CLSTN2: variants seen among roughly 807,000 people sequenced by gnomAD.
The protein encoded by CLSTN2 is calsyntenin 2, also known as calsyntenin-2.
Under a neutral mutation model 101.2 loss-of-function variants are expected in CLSTN2, and 48 were observed. The observed-to-expected ratio is 0.47, with a 90% confidence interval of 0.38 to 0.60. The LOEUF (loss-of-function observed/expected upper bound fraction) is 0.60. CLSTN2 is among the 20% of genes least tolerant of loss of function. CLSTN2 has a pLI of 0.00. For missense variants in CLSTN2, 1,160 were observed against 1,238.2 expected (o/e 0.94, Z 0.95); for synonymous variants, 481 against 463.6 (o/e 1.04, Z -0.48).
chr3:140,448,209 C>CTGTGTGTGTGTG (rs55857773), intron 5 of CLSTN2, among the ~76,000 whole-genome samples: 9 of 148,300 alleles, frequency 6.1e-5, no homozygotes, highest in African/African-American at 1.5e-4. Context: ...GAGGGTGTGA[C>CTGTGTGTGTGTG]TGTGTGTGTG....
At chr3:140,535,463 AC>A (rs1468127437) in intron 9 of CLSTN2, among the ~76,000 whole-genome samples, 1 of 152,240 alleles carries the variant, frequency 6.6e-6, no homozygotes, top group Admixed American at 6.5e-5. Flanking sequence ...CAAATGGGAA[AC>A]CCAAGTATAC....
At chr3:140,225,279 G>C (rs557040884) in intron 2 of CLSTN2, among the ~76,000 whole-genome samples, 123 of 152,254 alleles carry the variant, frequency 8.1e-4, no homozygotes, top group Non-Finnish European at 1.5e-3. Flanking sequence ...AGAGACACCA[G>C]CCACCTTTCC....
intron 2 of CLSTN2, among the ~76,000 whole-genome samples, chr3:140,350,677 A>G (rs1422891654): frequency 6.6e-6 from 1 of 152,200 alleles, no homozygotes; most frequent in Non-Finnish European, 1.5e-5. Flanking sequence ...CTAAGTTCAT[A>G]TATATCTTTT....
Position 140,534,666 on chromosome 3 carries a change from A to C in CLSTN2, c.1507+2180A>C, listed in dbSNP as rs557270384. On this transcript the variant is annotated intron_variant, in intron 9 of 16. Transcript: ENST00000458420. ...AAGAAAACATGGCAAATCGTGCACAAACTCTTAAAACTTCCACCTACAAGT... is the reference window on the plus strand; with the variant it reads ...AAGAAAACATGGCAAATCGTGCACACACTCTTAAAACTTCCACCTACAAGT... Among the ~76,000 whole-genome samples the C allele has an allele frequency of 4.6e-5, 7 of 152,330 alleles. No homozygotes were observed. The East Asian group carries it at 1.2e-3, about 25-fold the overall frequency.
At chr3:140,517,306 A>G (rs1349606256) in intron 8 of CLSTN2, among the ~76,000 whole-genome samples, 1 of 151,900 alleles carries the variant, frequency 6.6e-6, no homozygotes, top group Non-Finnish European at 1.5e-5. Flanking sequence ...CTTCTGAATT[A>G]TTTTTTCTGG....
chr3:140,105,888 A>T (rs2009049540), intron 1 of CLSTN2, among the ~76,000 whole-genome samples: 2 of 152,142 alleles, frequency 1.3e-5, no homozygotes, highest in Admixed American at 6.5e-5. Flanking sequence ...CAGAAGTCAC[A>T]CTCGGTGACC....
intron 2 of CLSTN2, among the ~76,000 whole-genome samples, chr3:140,226,983 T>C (rs145760807): frequency 5.3e-4 from 80 of 152,300 alleles, no homozygotes; most frequent in African/African-American, 1.6e-3. Context: ...GAATTCAAGA[T>C]GAGATTTGGG....
chr3:140,099,837 G>A (rs1372030417), intron 1 of CLSTN2, among the ~76,000 whole-genome samples: 1 of 152,196 alleles, frequency 6.6e-6, no homozygotes, highest in African/African-American at 2.4e-5. Context: ...TTGAATGCAG[G>A]AGTCAAAGAT....
chr3:140,183,564 G>A (rs913582070), intron 2 of CLSTN2, among the ~76,000 whole-genome samples: 6 of 152,156 alleles, frequency 3.9e-5, no homozygotes, highest in Admixed American at 6.5e-5. Flanking sequence ...AGCAGATCTG[G>A]TGCCAGCCTA....
At chr3:140,414,371 T>C (rs1014017083) in intron 4 of CLSTN2, among the ~76,000 whole-genome samples, 2 of 152,052 alleles carry the variant, frequency 1.3e-5, no homozygotes, top group Non-Finnish European at 2.9e-5. Flanking sequence ...TATAAAACAT[T>C]GATGAAAGAA....
chr3:140,570,002 C>T lies in CLSTN2; in HGVS notation c.*3749C>T, dbSNP rs1985476094. On this transcript the variant is annotated 3_prime_UTR_variant, in exon 17 of 17. Coordinates refer to ENST00000458420, the MANE Select transcript of CLSTN2 (RefSeq NM_022131.3). ...CCTCATTACCACTTTCTTGAATTTA[C>T]TCAATCATCCTATCAAGCAGGGTTT... The T allele has an allele frequency of 6.6e-6, 1 of 152,092 alleles. No homozygotes were observed. The highest frequency in any genetic ancestry group is 2.4e-5 in the African/African-American group (1 of 41,388). 9.4% of individuals were successfully genotyped at this position (152,092 alleles called of 1,614,324 possible). A position where few individuals can be genotyped will look rare whatever the true frequency, so the allele number is the denominator to read the frequency against.
intron 5 of CLSTN2, among the ~76,000 whole-genome samples, chr3:140,432,542 G>A (rs1008590909): frequency 9.2e-5 from 14 of 152,186 alleles, no homozygotes; most frequent in African/African-American, 2.7e-4. Flanking sequence ...AGCTTCTGGC[G>A]GAGGGCCTCG....
chr3:139,945,378 C>T (rs1935200330), intron 1 of CLSTN2, among the ~76,000 whole-genome samples: 2 of 152,188 alleles, frequency 1.3e-5, no homozygotes, highest in African/African-American at 4.8e-5. Flanking sequence ...GCTCTGTATG[C>T]CTTTTGAAAG....
At chr3:140,386,546 C>T (rs532762187) in intron 2 of CLSTN2, among the ~76,000 whole-genome samples, 3 of 152,304 alleles carry the variant, frequency 2.0e-5, no homozygotes, top group South Asian at 2.1e-4. Flanking sequence ...TTGAGCTGGT[C>T]GCTCCCACAC....
At chr3:140,208,772 T>G (rs2010816842) in intron 2 of CLSTN2, among the ~76,000 whole-genome samples, 1 of 152,220 alleles carries the variant, frequency 6.6e-6, no homozygotes, top group South Asian at 2.1e-4. Context: ...TGTTATTTGT[T>G]GTTTTTAATG....
Position 140,570,435 on chromosome 3 carries a change from T to C in CLSTN2, c.*4182T>C, listed in dbSNP as rs1214431302. 6.6e-6 allele frequency: 1 copy of C among 152,212 alleles called. No homozygotes were observed. Among genetic ancestry groups the C allele is most frequent in the East Asian group, 1.9e-4 (1 of 5,202 alleles). 9.4% of individuals were successfully genotyped at this position (152,212 alleles called of 1,614,324 possible). A position where few individuals can be genotyped will look rare whatever the true frequency, so the allele number is the denominator to read the frequency against. On this transcript the variant is annotated 3_prime_UTR_variant, in exon 17 of 17. Coordinates refer to ENST00000458420, the MANE Select transcript of CLSTN2 (RefSeq NM_022131.3). ...TTTGAAGAACACAGGAAGTTGTGCATAGGCTATATGCAAATACTATGCATT... is the reference window on the plus strand; with the variant it reads ...TTTGAAGAACACAGGAAGTTGTGCACAGGCTATATGCAAATACTATGCATT...
At position 140,459,465 on chromosome 3, in the gene CLSTN2, A is replaced by G. The variant is rs1576579622; in HGVS notation, c.974-56A>G. The G allele has an allele frequency of 3.8e-6, 6 of 1,595,312 alleles. No individual in the cohort carries two copies. In the East Asian group the frequency reaches 1.3e-4, roughly 36 times the overall value. On this transcript the variant is annotated intron_variant, in intron 6 of 16. Coordinates refer to ENST00000458420, the MANE Select transcript of CLSTN2 (RefSeq NM_022131.3). Reference sequence around the variant, plus strand: ...GTTCACCTTGACCCAGGAGCAGAAAACAGATGAGGACACCGCATCATGACC... The same window carrying G: ...GTTCACCTTGACCCAGGAGCAGAAAGCAGATGAGGACACCGCATCATGACC...
chr3:139,999,041 C>G (rs951339323), intron 1 of CLSTN2, among the ~76,000 whole-genome samples: 1 of 151,224 alleles, frequency 6.6e-6, no homozygotes, highest in African/African-American at 2.5e-5. Flanking sequence ...TTTGCCTGTC[C>G]CCGTGACCTA....
At chr3:140,186,886 T>C (rs1420260564) in intron 2 of CLSTN2, among the ~76,000 whole-genome samples, 5 of 152,138 alleles carry the variant, frequency 3.3e-5, no homozygotes, top group Admixed American at 3.3e-4. Flanking sequence ...ACATTAATGA[T>C]ACCAATAGCA....
Sources: allele counts gnomAD v4.1 joint callset (sites outside exome capture counted in the v4.1 genomes callset), GRCh38; gene constraint gnomAD v4.1.1; transcripts MANE v1.5; gene names NCBI Gene and HGNC (gene_info 2026-07-23, HGNC 2026-07-21).